NARF: variants seen among roughly 807,000 people sequenced by gnomAD.
NARF encodes nuclear prelamin A recognition factor, also known as iron-only hydrogenase-like protein 2.
In NARF, 41 loss-of-function variants were observed where a neutral mutation model predicts 48.0. The observed-to-expected ratio is 0.85, with a 90% confidence interval of 0.66 to 1.11. NARF has a LOEUF of 1.11. NARF is among the 50% of genes least tolerant of loss of function. NARF has a pLI of 0.00. For synonymous variants in NARF, 215 were observed against 225.5 expected, an observed-to-expected ratio of 0.95 and a Z score of 0.42; for missense variants, 613 against 590.2, an observed-to-expected ratio of 1.04 and a Z score of -0.40.
chr17:82,463,940 G>A (rs1254675573), intron 2 of NARF: 1 of 199,538 alleles, frequency 5.0e-6, no homozygotes, highest in Non-Finnish European at 1.0e-5. Context: ...AGGCACCAAA[G>A]AGGAAGGGGT....
At chr17:82,485,279 A>G (rs1157397718) in intron 9 of NARF, among the ~76,000 whole-genome samples, 4 of 151,910 alleles carry the variant, frequency 2.6e-5, no homozygotes, top group Non-Finnish European at 5.9e-5. Flanking sequence ...AAATTTGCCG[A>G]GTGTGGTGGT....
chr17:82,459,950 C>T (rs374424351), intron 1 of NARF, 42 bp from the exon 2 acceptor site: 12 of 1,461,354 alleles, frequency 8.2e-6, no homozygotes, highest in African/African-American at 4.2e-5. Context: ...TTAAGGGAGA[C>T]GAAGTAAAAG....
chr17:82,481,145 G>A lies in NARF; in HGVS notation c.703G>A (p.Ala235Thr). Residue 235 changes from alanine (A) to threonine (T), a missense_variant, in exon 7 of 11, where the codon GCT (alanine) becomes ACT (threonine). Transcript: ENST00000309794. ...VAPCYDKKLE[A>T]LQESLPPALH... Reference sequence around the variant, plus strand: ...CCCTTGTTATGACAAGAAGCTGGAGGCTCTTCAGGAAAGCCTTCCCCCTGC... The same window carrying A: ...CCCTTGTTATGACAAGAAGCTGGAGACTCTTCAGGAAAGCCTTCCCCCTGC... The A allele has an allele frequency of 1.2e-6, 2 of 1,614,084 alleles. No homozygotes were observed. Among genetic ancestry groups the A allele is most frequent in the South Asian group, 1.1e-5 (1 of 91,082 alleles).
At chr17:82,459,262 C>A in intron 1 of NARF, 1 of 886,388 alleles carries the variant, frequency 1.1e-6, no homozygotes, top group Non-Finnish European at 1.4e-6. Flanking sequence ...GCGCCTTCCG[C>A]GGTTGTCTCC....
intron 3 of NARF, 140 bp downstream of exon 3, chr17:82,464,570 C>A: frequency 9.2e-7 from 1 of 1,092,792 alleles, no homozygotes; most frequent in Non-Finnish European, 1.3e-6. Flanking sequence ...TAACATCCTG[C>A]TTTGACCTTC....
At position 82,458,785 on chromosome 17, in the gene NARF, C is replaced by G; in HGVS notation, c.-19C>G. 1.6e-5 allele frequency: 23 copies of G among 1,464,560 alleles called. No individual in the cohort carries two copies. Among genetic ancestry groups the G allele is most frequent in the Non-Finnish European group, 2.0e-5 (22 of 1,115,604 alleles). The allele number at this position is 1,464,560 out of a possible 1,614,324, so 90.7% of individuals were successfully genotyped here. On this transcript the variant is annotated 5_prime_UTR_variant, in exon 1 of 11. Transcript: ENST00000309794. The stretch of plus-strand genomic sequence containing the variant: ...TCCCTGAGGCTGAGGCGCCCGGCCT[C>G]CCGCCCGCCGCGCTCCAGATGAAGT...
chr17:82,466,596 G>A (rs1029863241), intron 3 of NARF, among the ~76,000 whole-genome samples: 6 of 152,010 alleles, frequency 3.9e-5, no homozygotes, highest in African/African-American at 1.4e-4. Flanking sequence ...AGAGTTACAG[G>A]CAGGCACCAC....
chr17:82,467,274 T>C (rs1288902998), intron 3 of NARF, among the ~76,000 whole-genome samples: 1 of 152,042 alleles, frequency 6.6e-6, no homozygotes, highest in Admixed American at 6.6e-5. Context: ...CTCGAGCTCC[T>C]GACCTCAGGC....
At chr17:82,485,034 G>C in intron 9 of NARF, 84 bp downstream of exon 9, 1 of 1,445,442 alleles carries the variant, frequency 6.9e-7, no homozygotes, top group African/African-American at 1.4e-5. Flanking sequence ...GCATGTGGCG[G>C]TTCTATGGAT....
chr17:82,462,332 C>T (rs1372659815), intron 2 of NARF, among the ~76,000 whole-genome samples: 1 of 152,134 alleles, frequency 6.6e-6, no homozygotes, highest in African/African-American at 2.4e-5. Context: ...AGTGGCTCCC[C>T]TTGGCCAGGT....
intron 1 of NARF, 80 bp from the exon 2 acceptor site, chr17:82,459,912 C>T (rs947348834): frequency 3.0e-6 from 3 of 1,011,310 alleles, no homozygotes; most frequent in Non-Finnish European, 4.5e-6. Context: ...AATACATGAG[C>T]TTCATTGGTC....
rs111914898 is a variant in NARF at position 82,459,102 on chromosome 17, C to A, written c.27+272C>A. On this transcript the variant is annotated intron_variant, in intron 1 of 10. Transcript: ENST00000309794. ...GGAAACGCACGGAGACCGAGCCTCT[C>A]GTGCCGCGCACCACAGTCCGAGTAA... 7.6e-6 allele frequency: 9 copies of A among 1,187,044 alleles called. No individual in the cohort carries two copies. The Middle Eastern group carries it at 1.0e-3, about 133-fold the overall frequency. 73.5% of individuals were successfully genotyped at this position (1,187,044 alleles called of 1,614,324 possible). A position where few individuals can be genotyped will look rare whatever the true frequency, so the allele number is the denominator to read the frequency against.
intron 10 of NARF, 85 bp downstream of exon 10, chr17:82,485,739 T>C: frequency 6.6e-7 from 1 of 1,509,108 alleles, no homozygotes; most frequent in Non-Finnish European, 9.1e-7. Flanking sequence ...GAGATGGTGC[T>C]CTTGGCCACC....
intron 5 of NARF, chr17:82,478,460 T>A (rs2043883875): frequency 2.5e-6 from 1 of 401,792 alleles, no homozygotes; most frequent in Non-Finnish European, 5.0e-6. Flanking sequence ...GCCAGGCGAT[T>A]TTGCACGGTG....
In NARF at chr17:82,475,396, T is replaced by C. The variant is rs528157942; in HGVS notation, c.520+2698T>C. 3.3e-5 allele frequency among the ~76,000 whole-genome samples: 5 copies of C among 152,254 alleles called. No individual in the cohort carries two copies. The East Asian group carries it at 5.8e-4, about 18-fold the overall frequency. ...TGGGCGGATCACAAGGTCAGGAGAT[T>C]GAGACCATCCTGGCTAACACGGTGA... On this transcript the variant is annotated intron_variant, in intron 5 of 10. Transcript: ENST00000309794.
In NARF at chr17:82,488,487, T is replaced by G; in HGVS notation, c.*330T>G. 8.1e-6 allele frequency: 2 copies of G among 245,848 alleles called. No homozygotes were observed. Among genetic ancestry groups the G allele is most frequent in the Non-Finnish European group, 1.6e-5 (2 of 124,876 alleles). The allele number at this position is 245,848 out of a possible 1,614,324, so 15.2% of individuals were successfully genotyped here. A position where few individuals can be genotyped will look rare whatever the true frequency, so the allele number is the denominator to read the frequency against. On this transcript the variant is annotated 3_prime_UTR_variant, in exon 11 of 11. Transcript: ENST00000309794. ...GCCTCCCGGGTTCAAGCGATTCTCTTGCCCCAGCCTCCCGAGTAGCTGGGA... is the reference window on the plus strand; with the variant it reads ...GCCTCCCGGGTTCAAGCGATTCTCTGGCCCCAGCCTCCCGAGTAGCTGGGA...
chr17:82,471,951 G>A (rs2043720618), intron 4 of NARF, among the ~76,000 whole-genome samples: 2 of 152,106 alleles, frequency 1.3e-5, no homozygotes, highest in Non-Finnish European at 2.9e-5. Flanking sequence ...TATATATGGA[G>A]TAAGGTGTTT....
In NARF at chr17:82,489,391, G is replaced by C. The variant is rs148556166; in HGVS notation, c.*1234G>C. The C allele has an allele frequency of 6.5e-6, 1 of 152,740 alleles. No individual in the cohort carries two copies. Among genetic ancestry groups the C allele is most frequent in the African/African-American group, 2.4e-5 (1 of 41,464 alleles). 9.5% of individuals were successfully genotyped at this position (152,740 alleles called of 1,614,324 possible). On this transcript the variant is annotated 3_prime_UTR_variant, in exon 11 of 11. Coordinates refer to ENST00000309794, the MANE Select transcript of NARF (RefSeq NM_012336.4). ...TACATTCAGTCTTTCAGTCGGACTC[G>C]CACTGGGGCAAGGGTGACAGACACG... is the stretch of plus-strand genomic sequence containing the variant.
rs2143987602 is a variant in NARF, at chr17:82,489,970, G to GGC, written c.*1820_*1821dup. The GGC allele has an allele frequency of 6.6e-6, 1 of 152,306 alleles. No individual in the cohort carries two copies. Among genetic ancestry groups the GGC allele is most frequent in the South Asian group, 2.1e-4 (1 of 4,822 alleles). The allele number at this position is 152,306 out of a possible 1,614,324, so 9.4% of individuals were successfully genotyped here. On this transcript the variant is annotated 3_prime_UTR_variant, in exon 11 of 11. Transcript: ENST00000309794. Reference sequence around the variant, plus strand: ...AGCCTCTGGAGTAGCTGGGATTACAGGCGCGCGCCACCGCGCCTGGCTAAT... The same window carrying GGC: ...AGCCTCTGGAGTAGCTGGGATTACAGGCGCGCGCGCCACCGCGCCTGGCTAAT...
Sources: gnomAD v4.1 joint callset for allele counts (sites outside exome capture counted in the v4.1 genomes callset) on GRCh38, gnomAD v4.1.1 for gene constraint, MANE v1.5 for transcripts, NCBI Gene and HGNC (gene_info 2026-07-23, HGNC 2026-07-21) for gene names.